CNTNAP2: variants seen among roughly 807,000 people sequenced by gnomAD.
CNTNAP2 encodes contactin associated protein 2, also known as contactin-associated protein-like 2.
A neutral mutation model predicts 155.2 loss-of-function variants in CNTNAP2; 98 were observed. The ratio of observed to expected loss-of-function variants is 0.63; its 90% CI spans 0.54 to 0.75. The LOEUF (loss-of-function observed/expected upper bound fraction) is 0.75, where lower values mean the gene tolerates loss of function less well. Ranked by LOEUF, CNTNAP2 falls within the 30% of genes least tolerant of loss-of-function variation. The pLI, the probability that CNTNAP2 is intolerant of heterozygous loss-of-function variation, is 0.00. For synonymous variants in CNTNAP2, 651 were observed against 631.2 expected (o/e 1.03, Z -0.47); for missense variants, 1,727 against 1,688.1 (o/e 1.02, Z -0.40).
intron 11 of CNTNAP2, among the ~76,000 whole-genome samples, chr7:147,503,169 C>A (rs1346922001): frequency 1.3e-5 from 2 of 152,190 alleles, no homozygotes; most frequent in Non-Finnish European, 2.9e-5. Context: ...CTTTTCTTTG[C>A]CTTTCACTGG....
chr7:146,862,570 T>C (rs1279014599), intron 3 of CNTNAP2, among the ~76,000 whole-genome samples: 1 of 152,198 alleles, frequency 6.6e-6, no homozygotes, highest in Non-Finnish European at 1.5e-5. Context: ...CTAATCTTTA[T>C]GCATACTATT....
At chr7:146,122,405 A>G (rs1175373172) in intron 1 of CNTNAP2, among the ~76,000 whole-genome samples, 1 of 152,226 alleles carries the variant, frequency 6.6e-6, no homozygotes, top group Non-Finnish European at 1.5e-5. Context: ...CAATACTTAT[A>G]TAAAGAATGT....
At chr7:148,265,781 C>A (rs1320776459) in intron 20 of CNTNAP2, among the ~76,000 whole-genome samples, 1 of 152,130 alleles carries the variant, frequency 6.6e-6, no homozygotes, top group Non-Finnish European at 1.5e-5. Context: ...GACTCTTAAC[C>A]GTGACTGTGC....
chr7:147,313,040 T>G (rs1338283168), intron 9 of CNTNAP2, among the ~76,000 whole-genome samples: 3 of 134,426 alleles, frequency 2.2e-5, no homozygotes, highest in African/African-American at 6.1e-5. Flanking sequence ...TCATGTGTCT[T>G]TTGGCTGCAT....
chr7:147,339,568 T>C (rs760971668), intron 9 of CNTNAP2, among the ~76,000 whole-genome samples: 1 of 152,136 alleles, frequency 6.6e-6, no homozygotes, highest in Non-Finnish European at 1.5e-5. Context: ...ATTCTGTTAT[T>C]GCAGCACTAA....
At chr7:148,031,652 G>T (rs1802477991) in intron 15 of CNTNAP2, among the ~76,000 whole-genome samples, 1 of 152,202 alleles carries the variant, frequency 6.6e-6, no homozygotes, top group Non-Finnish European at 1.5e-5. Flanking sequence ...ATACAGAAAT[G>T]TTCGGCCCAG....
intron 3 of CNTNAP2, among the ~76,000 whole-genome samples, chr7:147,002,656 G>T (rs979264070): frequency 6.6e-6 from 1 of 151,950 alleles, no homozygotes; most frequent in South Asian, 2.1e-4. Flanking sequence ...AGTTCTGGGG[G>T]TCAAGAAGTC....
chr7:147,685,599 G>GA (rs796144144), intron 13 of CNTNAP2, among the ~76,000 whole-genome samples: 233 of 147,838 alleles, frequency 1.6e-3, no homozygotes, highest in African/African-American at 4.7e-3. Context: ...ATAACACAGT[G>GA]AAAAAAAAAC....
chr7:146,588,869 T>A (rs1798739008), intron 1 of CNTNAP2, among the ~76,000 whole-genome samples: 1 of 152,146 alleles, frequency 6.6e-6, no homozygotes, highest in South Asian at 2.1e-4. Flanking sequence ...TGATGTAAGA[T>A]CACAATTATT....
chr7:147,480,715 T>C lies in CNTNAP2; in HGVS notation c.1671-5220T>C, dbSNP rs188307282. Among the ~76,000 whole-genome samples, 940 of 152,302 alleles carry C rather than the reference T, an allele frequency of 6.2e-3. 11 individuals are homozygous for C. Among genetic ancestry groups the C allele is most frequent in the African/African-American group, 0.021 (857 of 41,582 alleles). On this transcript the variant is annotated intron_variant, in intron 10 of 23. Coordinates refer to ENST00000361727, the MANE Select transcript of CNTNAP2 (RefSeq NM_014141.6). ...GGCTGCAGGCTGTCTTCTCTCCTTG[T>C]GCTCCCTTCCTGGGCTGTTTCTCCT... is the stretch of plus-strand genomic sequence containing the variant.
chr7:147,438,673 C>T (rs1434189755), intron 10 of CNTNAP2, among the ~76,000 whole-genome samples: 1 of 151,872 alleles, frequency 6.6e-6, no homozygotes, highest in African/African-American at 2.4e-5. Context: ...GCTACTAGTT[C>T]TTCATTACAT....
At chr7:147,109,813 A>G (rs1026473986) in intron 5 of CNTNAP2, among the ~76,000 whole-genome samples, 7 of 152,210 alleles carry the variant, frequency 4.6e-5, no homozygotes, top group African/African-American at 1.7e-4. Context: ...TTAACTAGAA[A>G]GAAAGAACAT....
chr7:146,259,116 A>AATGTGCT (rs1228490749), intron 1 of CNTNAP2, among the ~76,000 whole-genome samples: 2 of 152,098 alleles, frequency 1.3e-5, no homozygotes, highest in Non-Finnish European at 2.9e-5. Context: ...ACCTTGTAAG[A>AATGTGCT]ATGTGCTTGC....
At chr7:148,022,445 G>T (rs1024020473) in intron 15 of CNTNAP2, among the ~76,000 whole-genome samples, 1 of 147,832 alleles carries the variant, frequency 6.8e-6, no homozygotes, top group Non-Finnish European at 1.5e-5. Context: ...CTCCAGCCTG[G>T]GTAGCAGAGG....
intron 12 of CNTNAP2, among the ~76,000 whole-genome samples, chr7:147,580,395 G>C (rs905429747): frequency 5.9e-5 from 9 of 152,104 alleles, no homozygotes; most frequent in Non-Finnish European, 1.2e-4. Context: ...TTGAGCTGAA[G>C]AGAATATTAA....
chr7:146,936,625 A>C (rs1226124692), intron 3 of CNTNAP2, among the ~76,000 whole-genome samples: 1 of 152,214 alleles, frequency 6.6e-6, no homozygotes, highest in South Asian at 2.1e-4. Context: ...ACCATAACCT[A>C]ACTTAATAGG....
chr7:147,751,824 A>G (rs1280050505), intron 13 of CNTNAP2, among the ~76,000 whole-genome samples: 4 of 152,220 alleles, frequency 2.6e-5, no homozygotes, highest in Admixed American at 1.3e-4. Context: ...GCATTATACT[A>G]GTTACTATGC....
chr7:148,326,586 G>T (rs897882367), intron 21 of CNTNAP2, among the ~76,000 whole-genome samples: 2 of 152,064 alleles, frequency 1.3e-5, no homozygotes, highest in African/African-American at 4.8e-5. Flanking sequence ...GAGCAAATGG[G>T]CCGGGCATGG....
At chr7:146,212,446 A>G (rs948801076) in intron 1 of CNTNAP2, among the ~76,000 whole-genome samples, 2 of 152,154 alleles carry the variant, frequency 1.3e-5, no homozygotes, top group African/African-American at 4.8e-5. Flanking sequence ...CAGCCCAGGT[A>G]TGTACCCTAC....
Sources: gnomAD v4.1 joint callset for allele counts (sites outside exome capture counted in the v4.1 genomes callset) on GRCh38, gnomAD v4.1.1 for gene constraint, MANE v1.5 for transcripts, NCBI Gene and HGNC (gene_info 2026-07-23, HGNC 2026-07-21) for gene names.